The following GLIS3 variants were observed in gnomAD, a reference collection of about 807,000 sequenced individuals.
GLIS3 encodes the protein zinc finger protein GLIS3.
A neutral mutation model predicts 78.6 loss-of-function variants in GLIS3; 53 were observed. The observed-to-expected ratio is 0.67, with a 90% confidence interval of 0.54 to 0.85. The LOEUF (loss-of-function observed/expected upper bound fraction) is 0.85, where lower values mean the gene tolerates loss of function less well. Among genes scored for constraint, GLIS3 ranks in the 40% least tolerant of loss-of-function variants. The pLI, the probability that GLIS3 is intolerant of heterozygous loss-of-function variation, is 0.00. For synonymous variants in GLIS3, 684 were observed against 509.9 expected (o/e 1.34, Z -4.60); for missense variants, 1,703 against 1,231.1 (o/e 1.38, Z -5.74).
rs781592292 is a variant in GLIS3, at chr9:4,118,762, T to G, written c.716A>C (p.Asn239Thr). The G allele has an allele frequency of 3.7e-6, 6 of 1,613,398 alleles. No individual in the cohort carries two copies. The highest frequency in any genetic ancestry group is 4.5e-5 in the East Asian group (2 of 44,866). Residue 239 changes from asparagine (N) to threonine (T), a missense_variant, in exon 4 of 11, where the codon AAC becomes ACC. Transcript: ENST00000381971. This position sits in a 1 kb window ranked among gnomAD's most constrained non-coding sequence, Gnocchi z 4.7. The part of the protein sequence containing the change: ...QGYRALPSLS[N>T]HGSQNGLDLG... ...ATCAAGGCCATTCTGAGAGCCGTGG[T>G]TGGAGAGCGAAGGGAGGGCCCTGTA...
intron 4 of GLIS3, among the ~76,000 whole-genome samples, chr9:3,988,668 A>C (rs1588397955): frequency 6.6e-6 from 1 of 152,272 alleles, no homozygotes; most frequent in East Asian, 1.9e-4. Context: ...AATAGTCTTT[A>C]CAACAATTGG....
chr9:4,069,025 T>A (rs1450792738), intron 4 of GLIS3, among the ~76,000 whole-genome samples: 1 of 152,138 alleles, frequency 6.6e-6, no homozygotes, highest in Non-Finnish European at 1.5e-5. Flanking sequence ...AGTGGCTTGT[T>A]CATGTCAGGC....
chr9:3,937,721 G>T (rs933005115), intron 4 of GLIS3, among the ~76,000 whole-genome samples: 1 of 152,158 alleles, frequency 6.6e-6, no homozygotes, highest in Non-Finnish European at 1.5e-5. Context: ...AACTATATTT[G>T]TAAGTTTTTT....
At chr9:4,464,490 G>A in the GLIS3 span, among the ~76,000 whole-genome samples, 1 of 151,948 alleles carries the variant, frequency 6.6e-6, no homozygotes, top group East Asian at 1.9e-4. Context: ...CACCTCCTGG[G>A]CTCAAGCGAT....
chr9:3,944,412 C>T (rs1816150862), intron 4 of GLIS3, among the ~76,000 whole-genome samples: 1 of 152,142 alleles, frequency 6.6e-6, no homozygotes, highest in African/African-American at 2.4e-5. Flanking sequence ...TATCACATGG[C>T]CCTTCTCTAG....
chr9:3,957,120 T>C (rs1245169734), intron 4 of GLIS3, among the ~76,000 whole-genome samples: 1 of 152,210 alleles, frequency 6.6e-6, no homozygotes, highest in East Asian at 1.9e-4. Flanking sequence ...TGGCTCCCTA[T>C]CTACAGTCTA....
chr9:4,271,370 T>G (rs1300297687), intron 2 of GLIS3, among the ~76,000 whole-genome samples: 1 of 152,168 alleles, frequency 6.6e-6, no homozygotes, highest in Admixed American at 6.5e-5. Context: ...AAATTTCAAC[T>G]GCATGGGGGG....
intron 4 of GLIS3, among the ~76,000 whole-genome samples, chr9:4,069,211 T>C (rs1209208561): frequency 2.0e-5 from 3 of 152,014 alleles, no homozygotes; most frequent in African/African-American, 7.2e-5. Flanking sequence ...AACTTTATGG[T>C]TGGGGGAATT....
the GLIS3 span, among the ~76,000 whole-genome samples, chr9:4,364,780 A>C: frequency 1.8e-4 from 1 of 5,638 alleles, no homozygotes; most frequent in Non-Finnish European, 3.4e-4. Flanking sequence ...TTTTTTTTTT[A>C]AAGAGACAGG....
chr9:4,396,272 C>G, the GLIS3 span, among the ~76,000 whole-genome samples: 1 of 152,110 alleles, frequency 6.6e-6, no homozygotes, highest in Non-Finnish European at 1.5e-5. Context: ...ACCACTATGC[C>G]TAGCTAAGTT....
chr9:4,328,818 T>A (rs117921903), intron 2 of GLIS3, among the ~76,000 whole-genome samples: 10,489 of 152,252 alleles, frequency 0.069, 531 homozygotes, highest in Admixed American at 0.12. Context: ...ATGCAGCATT[T>A]AGATCAGTGC....
rs563073828 is a variant in GLIS3, at chr9:3,991,444, C to T, written c.1711-54255G>A. On this transcript the variant is annotated intron_variant, in intron 4 of 10. Coordinates refer to ENST00000381971, the MANE Select transcript of GLIS3 (RefSeq NM_001042413.2). Reference sequence around the variant, plus strand: ...AAATGAATCAATTAAAAAACCTGGACATAACAGCTGAAGTTGTGATTTCAT... The same window carrying T: ...AAATGAATCAATTAAAAAACCTGGATATAACAGCTGAAGTTGTGATTTCAT... Among the ~76,000 whole-genome samples, 61 of 152,168 alleles carry T rather than the reference C, an allele frequency of 4.0e-4. 4 individuals are homozygous for T. The South Asian group carries it at 0.01, about 26-fold the overall frequency.
chr9:4,420,610 C>T, the GLIS3 span, among the ~76,000 whole-genome samples: 1,108 of 152,220 alleles, frequency 7.3e-3, 10 homozygotes, highest in African/African-American at 0.026. Flanking sequence ...CTTCTGATTA[C>T]GTCAGGGAGA....
intron 2 of GLIS3, among the ~76,000 whole-genome samples, chr9:4,323,332 C>A (rs999937685): frequency 1.3e-5 from 2 of 152,154 alleles, no homozygotes; most frequent in African/African-American, 4.8e-5. Context: ...TATATGTAAA[C>A]AACATATTGT....
intron 1 of GLIS3, among the ~76,000 whole-genome samples, chr9:4,294,874 C>A (rs1264266775): frequency 6.6e-6 from 1 of 152,186 alleles, no homozygotes; most frequent in Non-Finnish European, 1.5e-5. Flanking sequence ...ACTGCTCATA[C>A]TGAAAAACAT....
intron 4 of GLIS3, among the ~76,000 whole-genome samples, chr9:4,091,362 G>A (rs1047838579): frequency 4.6e-5 from 7 of 151,740 alleles, no homozygotes; most frequent in East Asian, 3.9e-4. Context: ...GTGAAACCCC[G>A]TCTCAAAAAA....
At chr9:4,269,684 T>G (rs146284830) in intron 2 of GLIS3, among the ~76,000 whole-genome samples, 57 of 152,330 alleles carry the variant, frequency 3.7e-4, no homozygotes, top group African/African-American at 1.3e-3. Flanking sequence ...CTTTTACAGT[T>G]CCTGTGTATT....
chr9:4,351,729 T>C (rs4090159), upstream of GLIS3, among the ~76,000 whole-genome samples: 5,543 of 152,250 alleles, frequency 0.036, 237 homozygotes, highest in East Asian at 0.2. Flanking sequence ...CCCAAAGGAC[T>C]CTCTGTCACT....
intron 2 of GLIS3, among the ~76,000 whole-genome samples, chr9:4,222,949 C>G (rs879625515): frequency 1.3e-5 from 2 of 152,128 alleles, no homozygotes; most frequent in Non-Finnish European, 2.9e-5. Context: ...ATCTCAGTAG[C>G]CTTCAGGTTT....
Sources: allele counts gnomAD v4.1 joint callset (sites outside exome capture counted in the v4.1 genomes callset), GRCh38; gene constraint gnomAD v4.1.1; non-coding constraint Gnocchi (gnomAD v3.1); transcripts MANE v1.5; gene names NCBI Gene and HGNC (gene_info 2026-07-23, HGNC 2026-07-21).